CCDC141: variants seen among roughly 807,000 people sequenced by gnomAD.
CCDC141 encodes the protein coiled-coil domain containing 141, also known as coiled-coil domain-containing protein 141.
Under a neutral mutation model 181.0 loss-of-function variants are expected in CCDC141, and 168 were observed. The observed-to-expected ratio is 0.93, with a 90% CI of 0.82 to 1.05. The LOEUF (loss-of-function observed/expected upper bound fraction) is 1.05. Among genes scored for constraint, CCDC141 ranks in the 50% least tolerant of loss-of-function variants. The pLI is 0.00. For missense variants in CCDC141, 1,902 were observed against 1,788.5 expected, an observed-to-expected ratio of 1.06 and a Z score of -1.14; for synonymous variants, 666 against 642.3, an observed-to-expected ratio of 1.04 and a Z score of -0.56.
chr2:178,855,525 A>ATTTTCCT lies in CCDC141; in HGVS notation c.2875_2881dup (p.Met961LysfsTer7). On this transcript the variant is annotated frameshift_variant, in exon 19 of 24. Transcript: ENST00000443758. LOFTEE classifies it high-confidence loss of function. Reference sequence around the variant, plus strand: ...AGAGGTTTTATTACTAACTTTTTCCATTTTCCTTTTCAAAGCCTGTGTGAA... The same window carrying ATTTTCCT: ...AGAGGTTTTATTACTAACTTTTTCCATTTTCCTTTTTCCTTTTCAAAGCCTGTGTGAA... 1.9e-6 allele frequency: 3 copies of ATTTTCCT among 1,585,332 alleles called. No homozygotes were observed. Among genetic ancestry groups the ATTTTCCT allele is most frequent in the Non-Finnish European group, 2.6e-6 (3 of 1,170,004 alleles).
At chr2:178,979,980 C>G (rs1691294037) in intron 2 of CCDC141, among the ~76,000 whole-genome samples, 1 of 152,110 alleles carries the variant, frequency 6.6e-6, no homozygotes, top group Non-Finnish European at 1.5e-5. Flanking sequence ...AACATAATCT[C>G]AACATCTAGG....
intron 11 of CCDC141, among the ~76,000 whole-genome samples, chr2:178,881,907 TCTCTCTCTCACA>T (rs1314692740): frequency 8.7e-4 from 92 of 106,104 alleles, no homozygotes; most frequent in African/African-American, 3.2e-3. Context: ...TCTCTCTCTC[TCTCTCTCTCACA>T]CACACACACA....
chr2:179,046,288 C>A (rs778263810), intron 2 of CCDC141, among the ~76,000 whole-genome samples: 2 of 152,208 alleles, frequency 1.3e-5, no homozygotes, highest in African/African-American at 4.8e-5. Flanking sequence ...CCATTTAGGG[C>A]TTAATGCTGT....
At chr2:178,854,356 C>T (rs926113641) in intron 19 of CCDC141, among the ~76,000 whole-genome samples, 1 of 152,056 alleles carries the variant, frequency 6.6e-6, no homozygotes, top group Non-Finnish European at 1.5e-5. Context: ...AACCCCATCT[C>T]TACTAAAAGT....
At chr2:178,880,438 G>A (rs955031709) in intron 11 of CCDC141, among the ~76,000 whole-genome samples, 3 of 152,114 alleles carry the variant, frequency 2.0e-5, no homozygotes, top group Non-Finnish European at 4.4e-5. Context: ...GAGGCAAATT[G>A]AGCAGGCAGA....
chr2:179,044,603 C>T (rs2043425227), intron 2 of CCDC141, among the ~76,000 whole-genome samples: 2 of 152,144 alleles, frequency 1.3e-5, no homozygotes, highest in Non-Finnish European at 2.9e-5. Context: ...CCCACCACTA[C>T]CCACAATTTA....
chr2:178,827,579 T>G (rs1684144719), downstream of CCDC141, among the ~76,000 whole-genome samples: 1 of 152,130 alleles, frequency 6.6e-6, no homozygotes, highest in African/African-American at 2.4e-5. Context: ...TAGGGGGTGA[T>G]GTTCACATAG....
In CCDC141 at chr2:178,845,351, T is replaced by C. The variant is rs1478246314; in HGVS notation, c.3474+275A>G. ...GAAAAACAAGTGGTTTGGGGTGACA[T>C]GGCATTTAAATGGCTGTCCCAATGC... On this transcript the variant is annotated intron_variant, in intron 22 of 23. Coordinates refer to ENST00000443758, the MANE Select transcript of CCDC141 (RefSeq NM_173648.4). Among the ~76,000 whole-genome samples the C allele has an allele frequency of 2.6e-5, 4 of 152,134 alleles. No individual in the cohort carries two copies. The East Asian group carries it at 7.7e-4, about 29-fold the overall frequency.
At chr2:178,879,579 G>C (rs1434903529) in intron 11 of CCDC141, among the ~76,000 whole-genome samples, 2 of 152,082 alleles carry the variant, frequency 1.3e-5, no homozygotes, top group African/African-American at 4.8e-5. Flanking sequence ...AGATGCCCTA[G>C]TAATAATTAA....
chr2:178,951,206 C>T lies in CCDC141; in HGVS notation c.781-6555G>A, dbSNP rs369258164. 2.3e-4 allele frequency among the ~76,000 whole-genome samples: 35 copies of T among 152,298 alleles called. No individual in the cohort carries two copies. In the East Asian group the frequency reaches 6.6e-3, roughly 29 times the overall value. On this transcript the variant is annotated intron_variant, in intron 5 of 23. Coordinates refer to ENST00000443758, the MANE Select transcript of CCDC141 (RefSeq NM_173648.4). ...CAATGTGTATCCCTGCCAAAGATATCGAAGGCATGGTTTTCCCAATATAAC... is the reference window on the plus strand; with the variant it reads ...CAATGTGTATCCCTGCCAAAGATATTGAAGGCATGGTTTTCCCAATATAAC...
At position 178,885,007 on chromosome 2, in the gene CCDC141, G is replaced by T. The variant is rs1030314539; in HGVS notation, c.1613C>A (p.Ser538Tyr). ...FVSDEMVSLS[S>Y]KARWLAEELN... Reference sequence around the variant, plus strand: ...TTCTTCTGCTAGCCATCTAGCTTTAGAGGAAAGTGATACCATTTCATCAGA... The same window carrying T: ...TTCTTCTGCTAGCCATCTAGCTTTATAGGAAAGTGATACCATTTCATCAGA... The change falls in exon 11 of 24, where the codon TCT becomes TAT. Residue 538 changes from serine to tyrosine, a missense_variant. Physicochemically the swap from Ser to Tyr is moderately radical, Grantham distance 144 (BLOSUM62 -2). Transcript: ENST00000443758. 69 of 1,550,328 alleles carry T rather than the reference G, an allele frequency of 4.5e-5. No homozygotes were observed. Among genetic ancestry groups the T allele is most frequent in the Non-Finnish European group, 5.8e-5 (67 of 1,146,862 alleles).
intron 7 of CCDC141, chr2:178,915,820 G>C (rs971043754): frequency 1.3e-5 from 2 of 152,244 alleles, no homozygotes; most frequent in South Asian, 2.1e-4. Flanking sequence ...TCAAGACAAA[G>C]AGCAGGCATG....
rs920148021 is a variant in CCDC141 at position 178,969,361 on chromosome 2, C to T, written c.526+5696G>A. Among the ~76,000 whole-genome samples the T allele has an allele frequency of 1.1e-3, 162 of 151,904 alleles. 16 individuals are homozygous for T. Among genetic ancestry groups the T allele is most frequent in the Non-Finnish European group, 1.9e-4 (13 of 67,978 alleles). On this transcript the variant is annotated intron_variant, in intron 4 of 23. Coordinates refer to ENST00000443758, the MANE Select transcript of CCDC141 (RefSeq NM_173648.4). Reference sequence around the variant, plus strand: ...ACCTAATATTCCTGATGAACATCGACGCAAAAATCCTCAATAAAATACTGG... The same window carrying T: ...ACCTAATATTCCTGATGAACATCGATGCAAAAATCCTCAATAAAATACTGG...
the CCDC141 span, among the ~76,000 whole-genome samples, chr2:178,820,083 T>C: frequency 1.8e-4 from 28 of 152,218 alleles, no homozygotes; most frequent in Non-Finnish European, 3.5e-4. Context: ...CATTAAGCCA[T>C]CATTTCCTGC....
intron 2 of CCDC141, among the ~76,000 whole-genome samples, chr2:179,017,275 C>T (rs1388777844): frequency 6.6e-6 from 1 of 152,012 alleles, no homozygotes; most frequent in Non-Finnish European, 1.5e-5. Context: ...TTGATAGAGA[C>T]ACCTGTGTTA....
At chr2:178,935,295 C>T (rs981990377) in intron 6 of CCDC141, among the ~76,000 whole-genome samples, 7 of 152,098 alleles carry the variant, frequency 4.6e-5, no homozygotes, top group African/African-American at 1.7e-4. Flanking sequence ...CTCAAGAAGA[C>T]CCCAGTGTCG....
At chr2:179,043,556 C>G (rs918835845) in intron 2 of CCDC141, among the ~76,000 whole-genome samples, 3 of 152,160 alleles carry the variant, frequency 2.0e-5, no homozygotes, top group African/African-American at 7.2e-5. Flanking sequence ...ATTACATAAA[C>G]AGAACTAAAG....
chr2:178,997,456 C>G (rs1369947540), intron 2 of CCDC141, among the ~76,000 whole-genome samples: 1 of 152,144 alleles, frequency 6.6e-6, no homozygotes, highest in Non-Finnish European at 1.5e-5. Flanking sequence ...CTAATGGAGA[C>G]AGCTACAGGG....
intron 17 of CCDC141, among the ~76,000 whole-genome samples, chr2:178,862,966 G>T (rs1685686188): frequency 6.6e-6 from 1 of 152,052 alleles, no homozygotes; most frequent in Non-Finnish European, 1.5e-5. Context: ...TATTATATCA[G>T]ATCATACAAA....
Sources: gnomAD v4.1 joint callset for allele counts (sites outside exome capture counted in the v4.1 genomes callset) on GRCh38, gnomAD v4.1.1 for gene constraint, MANE v1.5 for transcripts, NCBI Gene and HGNC (gene_info 2026-07-23, HGNC 2026-07-21) for gene names.